Variants in C2 observed in about 807,000 individuals in gnomAD.
C2 encodes C3/C5 convertase.
C2 carries 64 observed loss-of-function variants against 85.2 expected under a neutral mutation model. That is an observed-to-expected ratio of 0.75 (90% CI 0.61 to 0.92). The LOEUF is 0.92. Ranked by LOEUF, C2 falls within the 40% of genes least tolerant of loss-of-function variation. The pLI, the probability that C2 is intolerant of heterozygous loss-of-function variation, is 0.00. For missense variants in C2, 820 were observed against 971.6 expected, an observed-to-expected ratio of 0.84 and a Z score of 2.07; for synonymous variants, 311 against 370.8, an observed-to-expected ratio of 0.84 and a Z score of 1.85.
At chr6:31,910,053 G>A (rs1392004760) in intron 1 of C2, among the ~76,000 whole-genome samples, 2 of 150,570 alleles carry the variant, frequency 1.3e-5, no homozygotes, top group Admixed American at 6.6e-5. Context: ...GCTAATTTTT[G>A]TATTTATAGT....
At chr6:31,916,938 G>GA (rs1439485578), upstream of C2, among the ~76,000 whole-genome samples, 2 of 147,684 alleles carry the variant, frequency 1.4e-5, no homozygotes, top group Non-Finnish European at 3.0e-5. Flanking sequence ...TTGGGAGGCC[G>GA]AGGCGGGTGG....
chr6:31,925,126 C>T (rs1474063125), upstream of C2, among the ~76,000 whole-genome samples: 5 of 152,164 alleles, frequency 3.3e-5, no homozygotes, highest in Non-Finnish European at 7.3e-5. Context: ...GGAAGATCAG[C>T]AGAAGAACCT....
At position 31,921,948 on chromosome 6, in the gene C2, A is replaced by G. The variant is rs546358213; in HGVS notation, c.-100+1922A>G. Among the ~76,000 whole-genome samples, 147 of 152,178 alleles carry G rather than the reference A, an allele frequency of 9.7e-4. No homozygotes were observed. The highest frequency in any genetic ancestry group is 3.4e-3 in the Middle Eastern group (1 of 294). ...GGGTGTGTTATCAGGCAAATTTACC[A>G]TTGTGGGTGAGTGGAGGTCAATCCC... On this transcript the variant is annotated intron_variant, in intron 1 of 3. Coordinates refer to the C2 transcript ENST00000413154. This position sits in a 1 kb window ranked among gnomAD's most constrained non-coding sequence, Gnocchi z 4.6.
chr6:31,937,563 C>T lies in C2; in HGVS notation c.1129+104C>T, dbSNP rs1770534980. 7 of 1,458,210 alleles carry T rather than the reference C, an allele frequency of 4.8e-6. No homozygotes were observed. The East Asian group carries it at 1.6e-4, about 33-fold the overall frequency. 90.3% of individuals were successfully genotyped at this position (1,458,210 alleles called of 1,614,324 possible). On this transcript the variant is annotated intron_variant, in intron 8 of 17. Transcript: ENST00000299367. ...TCTCCCTCTGCCTGCCACTTTGGGC[C>T]CCAGTTTTGTTTTTGTTTTTAGAGA...
At chr6:31,899,648 C>G, upstream of C2, 2 of 436,950 alleles carry the variant, frequency 4.6e-6, no homozygotes, top group Admixed American at 3.8e-5. Context: ...TTCCCTCCCT[C>G]CACATATACA....
chr6:31,933,198 T>G (rs1384698951), intron 3 of C2, among the ~76,000 whole-genome samples: 1 of 152,178 alleles, frequency 6.6e-6, no homozygotes, highest in Non-Finnish European at 1.5e-5. Context: ...TGTATGCACT[T>G]GCTTCTCTTG....
At chr6:31,902,069 G>T (rs1767366191) in intron 1 of C2, 2 of 151,978 alleles carry the variant, frequency 1.3e-5, no homozygotes, top group South Asian at 2.0e-4. Flanking sequence ...CGTCGGCTAG[G>T]ACTCGGGGAG....
chr6:31,909,082 A>G (rs190988386), intron 1 of C2, among the ~76,000 whole-genome samples: 1 of 152,110 alleles, frequency 6.6e-6, no homozygotes. Context: ...CTGTTTGACC[A>G]TCACACAGAT....
intron 1 of C2, among the ~76,000 whole-genome samples, chr6:31,909,534 G>T (rs56192194): frequency 0.015 from 2,337 of 151,736 alleles, 42 homozygotes; most frequent in Middle Eastern, 0.076. Flanking sequence ...CAAGGGATCC[G>T]CCTGCCTTGG....
intron 1 of C2, among the ~76,000 whole-genome samples, chr6:31,907,890 A>G (rs1387845706): frequency 8.8e-6 from 1 of 113,046 alleles, no homozygotes; most frequent in African/African-American, 3.6e-5. Context: ...CTTGTTGCCC[A>G]GGCTGGAGTG....
At position 31,944,257 on chromosome 6, in the gene C2, C is replaced by A. The variant is rs759839046; in HGVS notation, c.1902+31C>A. 4 of 1,407,046 alleles carry A rather than the reference C, an allele frequency of 2.8e-6. No individual in the cohort carries two copies. The highest frequency in any genetic ancestry group is 4.0e-6 in the Non-Finnish European group (4 of 992,212). 87.2% of individuals were successfully genotyped at this position (1,407,046 alleles called of 1,614,324 possible). The stretch of plus-strand genomic sequence containing the variant: ...GGTCTCAGGTTGGGGATGCTGGGAT[C>A]CCCCTGTGACAGCTCCCAGAATGTC... On this transcript the variant is annotated intron_variant, in intron 15 of 17. Transcript: ENST00000299367. The surrounding 1 kb of genome is among the most constrained non-coding windows in gnomAD (Gnocchi z 5.1).
chr6:31,939,527 T>G (rs1263899538), intron 9 of C2, among the ~76,000 whole-genome samples: 1 of 151,354 alleles, frequency 6.6e-6, no homozygotes, highest in Non-Finnish European at 1.5e-5. Context: ...TTTTTTTTTT[T>G]TTTTAAGACA....
chr6:31,900,326 C>G (rs775029005), upstream of C2: 1 of 1,610,998 alleles, frequency 6.2e-7, no homozygotes, highest in African/African-American at 1.3e-5. This position sits in a 1 kb window ranked among gnomAD's most constrained non-coding sequence, Gnocchi z 9.7. Context: ...TAAGGGGTTT[C>G]CACCTGAGAA....
chr6:31,903,818 C>G (rs1767543230), intron 1 of C2, among the ~76,000 whole-genome samples: 1 of 151,972 alleles, frequency 6.6e-6, no homozygotes, highest in Admixed American at 6.6e-5. Flanking sequence ...GACTTTTTGC[C>G]TTTTTCTTTT....
rs767052747 is a variant in C2 at position 31,933,626 on chromosome 6, C to T, written c.459C>T (p.Asn153=). ...CACTCGCAGCTGGCCACTGCCCCAA[C>T]CCAGGCATTTCACTGGGCGCAGTGC... ...VCDNGAGHCP[N]PGISLGAVRT... Residue 153 remains asparagine, a synonymous_variant, in exon 4 of 18, where the codon AAC becomes AAT. Transcript: ENST00000299367. 2 of 1,613,096 alleles carry T rather than the reference C, an allele frequency of 1.2e-6. No homozygotes were observed. The highest frequency in any genetic ancestry group is 8.5e-7 in the Non-Finnish European group (1 of 1,180,034).
intron 9 of C2, among the ~76,000 whole-genome samples, chr6:31,940,333 C>A (rs1770784234): frequency 6.6e-6 from 1 of 152,224 alleles, no homozygotes; most frequent in Non-Finnish European, 1.5e-5. Flanking sequence ...CATAGCATCT[C>A]ATGTTTCAGG....
At chr6:31,942,896 C>A in intron 9 of C2, 63 bp from the exon 10 acceptor site, 1 of 1,604,066 alleles carries the variant, frequency 6.2e-7, no homozygotes, top group Non-Finnish European at 8.5e-7. Flanking sequence ...AGATGACAGC[C>A]TCCTGTCTCA....
In C2 at chr6:31,927,787, TC is replaced by T. The variant is rs1394227134; in HGVS notation, c.37del (p.Leu13CysfsTer16). On this transcript the variant is annotated frameshift_variant, in exon 1 of 18. Coordinates refer to ENST00000299367, the MANE Select transcript of C2 (RefSeq NM_000063.6). LOFTEE classifies it high-confidence loss of function. The surrounding 1 kb of genome is among the most constrained non-coding windows in gnomAD (Gnocchi z 4.7). ...CTGATGGTTCTTTTTTGCCTGCTGT[TC>T]CTGTACCCAGGTAGGAGGCAGGGAA... ...GPLMVLFCLL[F>X]LYPGLADSAP... The T allele has an allele frequency of 1.2e-6, 2 of 1,613,850 alleles. No individual in the cohort carries two copies. Among genetic ancestry groups the T allele is most frequent in the Non-Finnish European group, 1.7e-6 (2 of 1,179,994 alleles).
Position 31,944,260 on chromosome 6 carries a change from C to CAA in C2, c.1902+34_1902+35insAA. On this transcript the variant is annotated intron_variant, in intron 15 of 17. Coordinates refer to ENST00000299367, the MANE Select transcript of C2 (RefSeq NM_000063.6). This position sits in a 1 kb window ranked among gnomAD's most constrained non-coding sequence, Gnocchi z 5.1. ...CTCAGGTTGGGGATGCTGGGATCCC[C>CAA]CTGTGACAGCTCCCAGAATGTCTCT... 3.6e-6 allele frequency: 5 copies of CAA among 1,374,350 alleles called. No individual in the cohort carries two copies. The highest frequency in any genetic ancestry group is 1.4e-5 in the African/African-American group (1 of 70,278). The allele number at this position is 1,374,350 out of a possible 1,614,324, so 85.1% of individuals were successfully genotyped here. A position where few individuals can be genotyped will look rare whatever the true frequency, so the allele number is the denominator to read the frequency against.
Sources: allele counts gnomAD v4.1 joint callset (sites outside exome capture counted in the v4.1 genomes callset), GRCh38; gene constraint gnomAD v4.1.1; non-coding constraint Gnocchi (gnomAD v3.1); transcripts MANE v1.5; gene names NCBI Gene and HGNC (gene_info 2026-07-23, HGNC 2026-07-21).